Variants in NXPH2 observed in about 807,000 individuals in gnomAD.
NXPH2 encodes neurexophilin 2.
Under a neutral mutation model 19.8 loss-of-function variants are expected in NXPH2, and 5 were observed. That is an observed-to-expected ratio of 0.25 (90% CI 0.13 to 0.53). The LOEUF is 0.53. Ranked by LOEUF, NXPH2 falls within the 20% of genes least tolerant of loss-of-function variation. NXPH2 has a pLI of 0.96. For missense variants in NXPH2, 289 were observed against 322.8 expected, an observed-to-expected ratio of 0.90 and a Z score of 0.80; for synonymous variants, 154 against 127.4, an observed-to-expected ratio of 1.21 and a Z score of -1.41.
chr2:138,777,449 A>G (rs1682282361), intron 1 of NXPH2, among the ~76,000 whole-genome samples: 1 of 152,158 alleles, frequency 6.6e-6, no homozygotes, highest in South Asian at 2.1e-4. Flanking sequence ...ATGGGCAAGG[A>G]CAGGTAAGAG....
chr2:138,678,986 C>T (rs777001786), intron 1 of NXPH2, among the ~76,000 whole-genome samples: 7 of 152,100 alleles, frequency 4.6e-5, no homozygotes, highest in Non-Finnish European at 8.8e-5. Context: ...ACAAACGCTA[C>T]TTGGTTTCCT....
chr2:138,772,885 T>C (rs1682201402), intron 1 of NXPH2, among the ~76,000 whole-genome samples: 1 of 152,222 alleles, frequency 6.6e-6, no homozygotes, highest in Non-Finnish European at 1.5e-5. Context: ...TGGTGTGCTT[T>C]TGTTGCTTCA....
At chr2:138,748,837 T>G (rs965976920) in intron 1 of NXPH2, among the ~76,000 whole-genome samples, 2 of 152,088 alleles carry the variant, frequency 1.3e-5, no homozygotes, top group Admixed American at 1.3e-4. Context: ...AAAAAAGACA[T>G]TAAAAAAATA....
chr2:138,777,306 A>G (rs968713807), intron 1 of NXPH2, among the ~76,000 whole-genome samples: 6 of 152,110 alleles, frequency 3.9e-5, no homozygotes, highest in Non-Finnish European at 8.8e-5. Flanking sequence ...ATTCTTTATA[A>G]GAGTATGTTG....
intron 1 of NXPH2, among the ~76,000 whole-genome samples, chr2:138,710,669 A>T (rs992677120): frequency 2.6e-5 from 4 of 152,128 alleles, no homozygotes; most frequent in Non-Finnish European, 5.9e-5. Flanking sequence ...AAATTTTACT[A>T]TAAGCTATTA....
At chr2:138,687,290 T>A (rs1011623758) in intron 1 of NXPH2, among the ~76,000 whole-genome samples, 16 of 152,236 alleles carry the variant, frequency 1.1e-4, no homozygotes, top group African/African-American at 3.9e-4. Context: ...GATTTGCATT[T>A]CTCTGATGGC....
intron 1 of NXPH2, among the ~76,000 whole-genome samples, chr2:138,694,426 C>T: frequency 6.6e-6 from 1 of 152,104 alleles, no homozygotes; most frequent in African/African-American, 2.4e-5. Flanking sequence ...AGGAGAGAAG[C>T]ACAAAGGTAG....
At chr2:138,708,075 C>A (rs1314346839) in intron 1 of NXPH2, among the ~76,000 whole-genome samples, 1 of 152,188 alleles carries the variant, frequency 6.6e-6, no homozygotes, top group Non-Finnish European at 1.5e-5. Context: ...TATAGAGCCT[C>A]ATGTGTGGCA....
intron 1 of NXPH2, among the ~76,000 whole-genome samples, chr2:138,769,719 C>T (rs971641360): frequency 2.0e-5 from 3 of 152,180 alleles, no homozygotes; most frequent in African/African-American, 7.2e-5. Context: ...GGAGGCTCCC[C>T]TGAGCACAAA....
intron 1 of NXPH2, among the ~76,000 whole-genome samples, chr2:138,774,632 C>T (rs745411250): frequency 2.0e-5 from 3 of 152,140 alleles, no homozygotes; most frequent in Non-Finnish European, 4.4e-5. Flanking sequence ...GGCTGTTAAA[C>T]GAACTGCCCA....
At chr2:138,712,859 A>C (rs1361365584) in intron 1 of NXPH2, among the ~76,000 whole-genome samples, 2 of 152,194 alleles carry the variant, frequency 1.3e-5, no homozygotes, top group East Asian at 3.8e-4. Context: ...ACGGCCTAGC[A>C]CACAGCAGGT....
chr2:138,701,815 A>G (rs1680927210), intron 1 of NXPH2, among the ~76,000 whole-genome samples: 1 of 152,208 alleles, frequency 6.6e-6, no homozygotes, highest in South Asian at 2.1e-4. Flanking sequence ...AACTTGCCTC[A>G]TTCATCTGGG....
In NXPH2 at chr2:138,670,273, G is replaced by C. The variant is rs1680394471; in HGVS notation, c.*649C>G. Among the ~76,000 whole-genome samples, 1 of 152,132 alleles carries C rather than the reference G, an allele frequency of 6.6e-6. No individual in the cohort carries two copies. Among genetic ancestry groups the C allele is most frequent in the South Asian group, 2.1e-4 (1 of 4,828 alleles). The stretch of plus-strand genomic sequence containing the variant: ...TATTCAAACTCAGGGGGAATCATAA[G>C]AATGGTGACCAACACAGGGCTAAGT... On this transcript the variant is annotated 3_prime_UTR_variant, in exon 2 of 2. Transcript: ENST00000272641.
chr2:138,687,936 C>CTGTA (rs1680686044), intron 1 of NXPH2, among the ~76,000 whole-genome samples: 1 of 152,312 alleles, frequency 6.6e-6, no homozygotes, highest in African/African-American at 2.4e-5. Context: ...GTTCTGGTTA[C>CTGTA]TGTAGCCTTG....
At chr2:138,744,002 C>CA (rs35072611) in intron 1 of NXPH2, among the ~76,000 whole-genome samples, 35,890 of 85,590 alleles carry the variant, frequency 0.42, 8,112 homozygotes, top group Non-Finnish European at 0.48. Context: ...GACTCCATCT[C>CA]AAAAAAAAAA....
chr2:138,757,168 A>C (rs1284411995), intron 1 of NXPH2, among the ~76,000 whole-genome samples: 1 of 152,224 alleles, frequency 6.6e-6, no homozygotes, highest in African/African-American at 2.4e-5. Context: ...CAGGGCAAGA[A>C]ATATGCTTCC....
At chr2:138,766,759 A>C (rs1447400924) in intron 1 of NXPH2, among the ~76,000 whole-genome samples, 8 of 152,216 alleles carry the variant, frequency 5.3e-5, no homozygotes, top group Non-Finnish European at 1.0e-4. Flanking sequence ...ATGAAAAAAG[A>C]AGCATATTTT....
rs186269675 is a variant in NXPH2, at chr2:138,750,451, G to A, written c.51+29740C>T. 3.3e-3 allele frequency among the ~76,000 whole-genome samples: 495 copies of A among 152,192 alleles called. 1 individual carries two copies. Among genetic ancestry groups the A allele is most frequent in the Non-Finnish European group, 5.5e-3 (372 of 67,986 alleles). On this transcript the variant is annotated intron_variant, in intron 1 of 1. Transcript: ENST00000272641. ...ATAAAAAAAACTCATGACATTTTAA[G>A]ACAAGTATTTATCTAGTAAATAGCC...
intron 1 of NXPH2, among the ~76,000 whole-genome samples, chr2:138,750,070 A>C (rs114824663): frequency 1.6e-4 from 24 of 152,304 alleles, no homozygotes; most frequent in African/African-American, 5.8e-4. Context: ...CCGTCTTAAC[A>C]GAAAATACAC....
Sources: allele counts gnomAD v4.1 joint callset (sites outside exome capture counted in the v4.1 genomes callset), GRCh38; gene constraint gnomAD v4.1.1; transcripts MANE v1.5; gene names NCBI Gene and HGNC (gene_info 2026-07-23, HGNC 2026-07-21).